Variants in VTI1A observed in about 807,000 individuals in gnomAD.
VTI1A encodes vesicle transport through interaction with t-SNAREs 1A.
In VTI1A, 22 loss-of-function variants were observed where a neutral mutation model predicts 34.9. The ratio of observed to expected loss-of-function variants is 0.63; its 90% confidence interval spans 0.45 to 0.90. The LOEUF is 0.90. VTI1A is among the 40% of genes least tolerant of loss of function. The pLI, the probability that VTI1A is intolerant of heterozygous loss-of-function variation, is 0.00. For synonymous variants in VTI1A, 87 were observed against 97.3 expected, an observed-to-expected ratio of 0.89 and a Z score of 0.62; for missense variants, 268 against 275.6, an observed-to-expected ratio of 0.97 and a Z score of 0.20.
At chr10:112,457,813 A>T (rs1020086425) in intron 1 of VTI1A, among the ~76,000 whole-genome samples, 3 of 152,246 alleles carry the variant, frequency 2.0e-5, no homozygotes, top group Non-Finnish European at 4.4e-5. Flanking sequence ...ACCGTGAGAC[A>T]GGAGTGAGCC....
chr10:112,769,817 C>T lies in VTI1A; in HGVS notation c.561-45473C>T, dbSNP rs77034921. ...GAGCAGGTAGGAATCTGGGAAATAA[C>T]CCAGGTCAGAGGTGGCATATTTACA... On this transcript the variant is annotated intron_variant, in intron 7 of 7. Transcript: ENST00000393077. 3.0e-4 allele frequency among the ~76,000 whole-genome samples: 45 copies of T among 152,202 alleles called. No homozygotes were observed. The East Asian group carries it at 7.7e-3, about 26-fold the overall frequency.
Position 112,815,695 on chromosome 10 carries a change from G to A in VTI1A, c.*312G>A, listed in dbSNP as rs1327479852. The A allele has an allele frequency of 8.4e-6, 3 of 356,876 alleles. No homozygotes were observed. The highest frequency in any genetic ancestry group is 4.0e-5 in the South Asian group (1 of 25,050). The allele number at this position is 356,876 out of a possible 1,614,324, so 22.1% of individuals were successfully genotyped here. On this transcript the variant is annotated 3_prime_UTR_variant, in exon 8 of 8. Transcript: ENST00000393077. ...CAGTGACACTCCTAGCCCTCTGGAC[G>A]TGTCAAGGGCCGTGGTTTGGGAGAG...
chr10:112,804,727 CTG>C (rs1384779475), intron 7 of VTI1A, among the ~76,000 whole-genome samples: 2 of 152,074 alleles, frequency 1.3e-5, no homozygotes, highest in African/African-American at 2.4e-5. Flanking sequence ...GGCAGGGACT[CTG>C]TGTTTCCTTT....
chr10:112,754,329 C>G (rs1447240078), intron 7 of VTI1A, among the ~76,000 whole-genome samples: 1 of 152,172 alleles, frequency 6.6e-6, no homozygotes, highest in African/African-American at 2.4e-5. Context: ...TCGATTCAGA[C>G]TCCCTCTACC....
At chr10:112,710,251 A>G (rs1849365829) in intron 7 of VTI1A, among the ~76,000 whole-genome samples, 1 of 143,716 alleles carries the variant, frequency 7.0e-6, no homozygotes, top group African/African-American at 2.7e-5. Context: ...TCTGTCGCCC[A>G]GGCTGGAGTG....
At chr10:112,518,438 G>T (rs189646144) in intron 3 of VTI1A, among the ~76,000 whole-genome samples, 1 of 151,684 alleles carries the variant, frequency 6.6e-6, no homozygotes, top group East Asian at 1.9e-4. Context: ...GCCAGGTGCT[G>T]TGGCTTATAC....
chr10:112,451,874 A>G (rs926905228), intron 1 of VTI1A, among the ~76,000 whole-genome samples: 2 of 152,210 alleles, frequency 1.3e-5, no homozygotes, highest in Non-Finnish European at 2.9e-5. Context: ...GTAGCTATTG[A>G]GCACCTGAAA....
At chr10:112,610,481 A>T (rs1845253989) in intron 5 of VTI1A, among the ~76,000 whole-genome samples, 1 of 152,154 alleles carries the variant, frequency 6.6e-6, no homozygotes, top group African/African-American at 2.4e-5. Flanking sequence ...CTCCTACTCA[A>T]ATTTCTTTTA....
At chr10:112,543,998 G>A (rs559067788) in intron 5 of VTI1A, among the ~76,000 whole-genome samples, 3 of 152,204 alleles carry the variant, frequency 2.0e-5, no homozygotes, top group Admixed American at 6.5e-5. Context: ...TAGATGTGTG[G>A]TATTATTTCT....
At chr10:112,726,651 T>G (rs1253221374) in intron 7 of VTI1A, among the ~76,000 whole-genome samples, 1 of 152,212 alleles carries the variant, frequency 6.6e-6, no homozygotes, top group Non-Finnish European at 1.5e-5. Flanking sequence ...ACATACCTAT[T>G]TGTACATTTG....
chr10:112,669,142 C>A, intron 7 of VTI1A, 144 bp downstream of exon 7: 1 of 856,154 alleles, frequency 1.2e-6, no homozygotes, highest in Non-Finnish European at 1.8e-6. Flanking sequence ...AATAACAGAG[C>A]ACTGATGTTA....
intron 7 of VTI1A, among the ~76,000 whole-genome samples, chr10:112,754,380 C>G (rs1851208894): frequency 6.6e-6 from 1 of 152,160 alleles, no homozygotes; most frequent in African/African-American, 2.4e-5. Context: ...TCAACTGATT[C>G]TCTGTAGAAT....
At chr10:112,795,775 A>G (rs1852653216) in intron 7 of VTI1A, among the ~76,000 whole-genome samples, 2 of 152,154 alleles carry the variant, frequency 1.3e-5, no homozygotes, top group Non-Finnish European at 2.9e-5. Context: ...AAATTAGTCT[A>G]TTATGTTTCT....
At chr10:112,609,281 A>C (rs1845203638) in intron 5 of VTI1A, among the ~76,000 whole-genome samples, 1 of 152,226 alleles carries the variant, frequency 6.6e-6, no homozygotes, top group South Asian at 2.1e-4. Flanking sequence ...AAAGGAAGCA[A>C]GTAATATTGA....
chr10:112,716,865 C>A (rs1262990947), intron 7 of VTI1A, among the ~76,000 whole-genome samples: 1 of 152,172 alleles, frequency 6.6e-6, no homozygotes, highest in Non-Finnish European at 1.5e-5. Context: ...ACAAACTGTT[C>A]CGTTTTACTT....
chr10:112,823,319 C>A (rs929147340), downstream of VTI1A, among the ~76,000 whole-genome samples: 1 of 152,162 alleles, frequency 6.6e-6, no homozygotes, highest in Admixed American at 6.5e-5. Flanking sequence ...ATTTTTTCCT[C>A]CTGCTTATTA....
chr10:112,513,301 C>G (rs140766528), intron 3 of VTI1A, among the ~76,000 whole-genome samples: 14 of 152,074 alleles, frequency 9.2e-5, no homozygotes, highest in African/African-American at 3.4e-4. Flanking sequence ...GTTGCTATTG[C>G]AAATGGAATT....
intron 5 of VTI1A, among the ~76,000 whole-genome samples, chr10:112,646,785 A>G (rs909267507): frequency 2.6e-5 from 4 of 152,146 alleles, no homozygotes; most frequent in African/African-American, 9.7e-5. Context: ...TGCTGGAATT[A>G]CAGGTGTGAG....
chr10:112,650,261 C>A (rs892893093), intron 5 of VTI1A, among the ~76,000 whole-genome samples: 3 of 151,910 alleles, frequency 2.0e-5, no homozygotes, highest in African/African-American at 7.3e-5. Flanking sequence ...TTGTTAAAAA[C>A]TAAGACACAA....
Sources: allele counts gnomAD v4.1 joint callset (sites outside exome capture counted in the v4.1 genomes callset), GRCh38; gene constraint gnomAD v4.1.1; transcripts MANE v1.5; gene names NCBI Gene and HGNC (gene_info 2026-07-23, HGNC 2026-07-21).